Variants in PCDHA8 observed in about 807,000 individuals in gnomAD.
PCDHA8 encodes the protein protocadherin alpha-8.
In PCDHA8, 53 loss-of-function variants were observed where a neutral mutation model predicts 61.8. The ratio of observed to expected loss-of-function variants is 0.86; its 90% CI spans 0.69 to 1.08. PCDHA8 has a LOEUF of 1.08. Among genes scored for constraint, PCDHA8 ranks in the 50% least tolerant of loss-of-function variants. The pLI is 0.00. For synonymous variants in PCDHA8, 618 were observed against 556.6 expected (o/e 1.11, Z -1.55); for missense variants, 1,293 against 1,245.0 (o/e 1.04, Z -0.58).
At chr5:140,967,844 G>A in intron 1 of PCDHA8, 1 of 1,614,178 alleles carries the variant, frequency 6.2e-7, no homozygotes, top group Non-Finnish European at 8.5e-7. Flanking sequence ...GGACGTGAAT[G>A]ACAATGCCCC....
chr5:141,009,580 G>A (rs1554262213), intron 3 of PCDHA8, 47 bp from the exon 4 acceptor site: 1 of 1,588,170 alleles, frequency 6.3e-7, no homozygotes, highest in South Asian at 1.2e-5. Flanking sequence ...GTGGCATCAA[G>A]AGCATGTGTT....
At chr5:140,969,058 TG>T in intron 1 of PCDHA8, 2 of 1,614,166 alleles carry the variant, frequency 1.2e-6, no homozygotes, top group Non-Finnish European at 1.7e-6. Context: ...ACAACAATAT[TG>T]ATGCCAGGAT....
At chr5:140,884,254 G>A (rs1554181387) in intron 1 of PCDHA8, 2 of 1,613,406 alleles carry the variant, frequency 1.2e-6, no homozygotes, top group Admixed American at 1.7e-5. Flanking sequence ...TGACGGCCAC[G>A]GCAACGGTGC....
At chr5:141,003,087 G>T (rs894210434) in intron 3 of PCDHA8, among the ~76,000 whole-genome samples, 2 of 152,198 alleles carry the variant, frequency 1.3e-5, no homozygotes, top group African/African-American at 4.8e-5. Context: ...AGTTTAACAG[G>T]CCTGGCATTT....
At chr5:140,916,628 C>T (rs1311862991) in intron 1 of PCDHA8, among the ~76,000 whole-genome samples, 1 of 152,188 alleles carries the variant, frequency 6.6e-6, no homozygotes, top group Non-Finnish European at 1.5e-5. Context: ...ACTCAATGCC[C>T]TATCCTACTG....
chr5:140,879,869 T>C lies in PCDHA8; in HGVS notation c.2394+36154T>C, dbSNP rs782705975. Among the ~76,000 whole-genome samples, 13 of 152,220 alleles carry C rather than the reference T, an allele frequency of 8.5e-5. 1 individual carries two copies. The highest frequency in any genetic ancestry group is 1.5e-4 in the Non-Finnish European group (10 of 68,042). ...CCCATCTCAGCCTTCTCAGCTTTCA[T>C]GGTCACATTGCCTCCTCCTCTCCAT... On this transcript the variant is annotated intron_variant, in intron 1 of 3. Coordinates refer to ENST00000531613, the MANE Select transcript of PCDHA8 (RefSeq NM_018911.3).
At chr5:140,856,879 G>A in intron 1 of PCDHA8, 1 of 1,593,884 alleles carries the variant, frequency 6.3e-7, no homozygotes, top group Non-Finnish European at 8.6e-7. Context: ...AGGAAATGAT[G>A]TATTCATTTA....
rs1221925609 is a variant in PCDHA8, at chr5:140,850,980, T to C, written c.2394+7265T>C. The C allele has an allele frequency of 2.1e-6, 3 of 1,453,332 alleles. 1 individual carries two copies. The highest frequency in any genetic ancestry group is 1.4e-5 in the African/African-American group (1 of 69,706). 90.0% of individuals were successfully genotyped at this position (1,453,332 alleles called of 1,614,324 possible). A position where few individuals can be genotyped will look rare whatever the true frequency, so the allele number is the denominator to read the frequency against. On this transcript the variant is annotated intron_variant, in intron 1 of 3. Coordinates refer to ENST00000531613, the MANE Select transcript of PCDHA8 (RefSeq NM_018911.3). ...CCCAGGGGCCGTTCAAATAGTTTTATTCATTTTTCTAGAAATCCAGCAGAT... is the reference window on the plus strand; with the variant it reads ...CCCAGGGGCCGTTCAAATAGTTTTACTCATTTTTCTAGAAATCCAGCAGAT...
chr5:140,849,674 C>G (rs138948867), intron 1 of PCDHA8: 2 of 1,598,596 alleles, frequency 1.3e-6, no homozygotes, highest in African/African-American at 2.7e-5. Flanking sequence ...CGCCCCACGT[C>G]CCCTTCAAGC....
In PCDHA8 at chr5:140,842,920, C is replaced by A. The variant is rs2150347865; in HGVS notation, c.1599C>A (p.Phe533Leu). 1 of 1,594,422 alleles carries A rather than the reference C, an allele frequency of 6.3e-7. No homozygotes were observed. Among genetic ancestry groups the A allele is most frequent in the Admixed American group, 1.7e-5 (1 of 59,270 alleles). The change falls in exon 1 of 4, where the codon TTC (phenylalanine) becomes TTA (leucine). Residue 533 changes from phenylalanine (F) to leucine (L), a missense_variant. Phe to Leu is a conservative substitution (Grantham distance 22). Transcript: ENST00000531613. ...LDHEELELLQFQVSARDAGVP... is the reference protein window; with the variant it reads ...LDHEELELLQLQVSARDAGVP... Reference sequence around the variant, plus strand: ...ACGAGGAGCTAGAGCTGCTGCAGTTCCAGGTGAGCGCGCGCGACGCGGGCG... The same window carrying A: ...ACGAGGAGCTAGAGCTGCTGCAGTTACAGGTGAGCGCGCGCGACGCGGGCG...
At chr5:140,958,301 TA>T (rs2095417556) in intron 1 of PCDHA8, among the ~76,000 whole-genome samples, 1 of 152,248 alleles carries the variant, frequency 6.6e-6, no homozygotes, top group African/African-American at 2.4e-5. Flanking sequence ...TGAACTTAAT[TA>T]AAATAAATTA....
chr5:140,993,462 TCACACACACACACACACA>T (rs3836747), intron 3 of PCDHA8, among the ~76,000 whole-genome samples: 75 of 141,044 alleles, frequency 5.3e-4, no homozygotes, highest in African/African-American at 1.6e-3. Flanking sequence ...TCTTTCTTTC[TCACACACACACACACACA>T]CACACACACA....
In PCDHA8 at chr5:140,843,240, C is replaced by T. The variant is rs2150355693; in HGVS notation, c.1919C>T (p.Ala640Val). The change falls in exon 1 of 4, where the codon GCG becomes GTG. Residue 640 changes from alanine (A) to valine (V), a missense_variant. Coordinates refer to ENST00000531613, the MANE Select transcript of PCDHA8 (RefSeq NM_018911.3). Reference protein sequence around the residue: ...EISTTRVLDEADSPRHRLLVL... With the variant: ...EISTTRVLDEVDSPRHRLLVL... ...AGCACCACTCGTGTCCTGGACGAAGCGGACTCTCCGCGCCACCGTCTGCTG... is the reference window on the plus strand; with the variant it reads ...AGCACCACTCGTGTCCTGGACGAAGTGGACTCTCCGCGCCACCGTCTGCTG... 6.3e-7 allele frequency: 1 copy of T among 1,595,944 alleles called. No homozygotes were observed. Among genetic ancestry groups the T allele is most frequent in the Non-Finnish European group, 8.6e-7 (1 of 1,165,534 alleles).
At chr5:140,908,452 T>A (rs2073982140) in intron 1 of PCDHA8, among the ~76,000 whole-genome samples, 1 of 152,196 alleles carries the variant, frequency 6.6e-6, no homozygotes, top group African/African-American at 2.4e-5. Context: ...TATGGCTAGA[T>A]GGATCAGAAA....
At chr5:141,006,390 T>G (rs539931677) in intron 3 of PCDHA8, among the ~76,000 whole-genome samples, 149 of 152,058 alleles carry the variant, frequency 9.8e-4, no homozygotes, top group African/African-American at 3.0e-3. Context: ...TTTTTTCTAT[T>G]TTTTAGTAGA....
chr5:140,926,464 A>C (rs1445781673), intron 1 of PCDHA8: 1 of 159,892 alleles, frequency 6.3e-6, no homozygotes, highest in Non-Finnish European at 1.4e-5. Flanking sequence ...TGTCCTAGAA[A>C]ACACCGTTTA....
At chr5:140,974,009 A>C (rs1554235749) in intron 1 of PCDHA8, among the ~76,000 whole-genome samples, 2 of 152,236 alleles carry the variant, frequency 1.3e-5, no homozygotes, top group African/African-American at 4.8e-5. Flanking sequence ...TGTTTTGTGC[A>C]TGTGATAATA....
At chr5:140,898,782 G>A (rs1170822216) in intron 1 of PCDHA8, among the ~76,000 whole-genome samples, 5 of 152,306 alleles carry the variant, frequency 3.3e-5, no homozygotes, top group Middle Eastern at 3.4e-3. Context: ...ACCTTGGGCA[G>A]TATGGCCATT....
At position 140,870,851 on chromosome 5, in the gene PCDHA8, C is replaced by G. The variant is rs1562652583; in HGVS notation, c.2394+27136C>G. ...GCAGTTAACAAGCTAGTACCGCGGT[C>G]GGTGGGTGCGGGCCACGTGGTGGCG... is the stretch of plus-strand genomic sequence containing the variant. On this transcript the variant is annotated intron_variant, in intron 1 of 3. Transcript: ENST00000531613. The G allele has an allele frequency of 1.9e-6, 3 of 1,613,838 alleles. No homozygotes were observed. Among genetic ancestry groups the G allele is most frequent in the Non-Finnish European group, 2.5e-6 (3 of 1,179,894 alleles).
Sources: gnomAD v4.1 joint callset for allele counts (sites outside exome capture counted in the v4.1 genomes callset) on GRCh38, gnomAD v4.1.1 for gene constraint, MANE v1.5 for transcripts, NCBI Gene and HGNC (gene_info 2026-07-23, HGNC 2026-07-21) for gene names.